The following CARMIL1 variants were observed in gnomAD, a reference collection of about 807,000 sequenced individuals.
CARMIL1 encodes the protein F-actin-uncapping protein LRRC16A.
A neutral mutation model predicts 177.1 loss-of-function variants in CARMIL1; 90 were observed. The observed-to-expected ratio is 0.51, with a 90% CI of 0.43 to 0.61. The LOEUF is 0.61. Among genes scored for constraint, CARMIL1 ranks in the 20% least tolerant of loss-of-function variants. The pLI is 0.00. For missense variants in CARMIL1, 1,380 were observed against 1,667.0 expected (o/e 0.83, Z 3.00); for synonymous variants, 577 against 606.2 (o/e 0.95, Z 0.71).
At chr6:25,291,684 T>A (rs1417018829) in intron 2 of CARMIL1, among the ~76,000 whole-genome samples, 1 of 152,156 alleles carries the variant, frequency 6.6e-6, no homozygotes, top group African/African-American at 2.4e-5. Flanking sequence ...TGTAGTAATG[T>A]TTTGGGATTG....
intron 2 of CARMIL1, among the ~76,000 whole-genome samples, chr6:25,404,371 CT>C (rs1263412008): frequency 6.6e-6 from 1 of 152,174 alleles, no homozygotes; most frequent in African/African-American, 2.4e-5. Context: ...AGCAGGGCTG[CT>C]TTGGGTATAT....
At position 25,515,946 on chromosome 6, in the gene CARMIL1, C is replaced by T. The variant is rs1805947398; in HGVS notation, c.1805+99C>T. On this transcript the variant is annotated intron_variant, in intron 21 of 36. Coordinates refer to ENST00000329474, the MANE Select transcript of CARMIL1 (RefSeq NM_017640.6). This position sits in a 1 kb window ranked among gnomAD's most constrained non-coding sequence, Gnocchi z 5.0. ...GCTGGGCCCGAGGGGACCTGGGCTT[C>T]CCATGAGGCCATCTTGAGGAGAAGA... 2 of 1,177,162 alleles carry T rather than the reference C, an allele frequency of 1.7e-6. No homozygotes were observed. The highest frequency in any genetic ancestry group is 2.3e-6 in the Non-Finnish European group (2 of 854,882). 72.9% of individuals were successfully genotyped at this position (1,177,162 alleles called of 1,614,324 possible).
intron 2 of CARMIL1, among the ~76,000 whole-genome samples, chr6:25,360,951 C>A (rs1789134462): frequency 6.6e-6 from 1 of 152,142 alleles, no homozygotes; most frequent in South Asian, 2.1e-4. Flanking sequence ...GAGGTTTTAT[C>A]TGAAACCCAT....
chr6:25,502,002 A>AC (rs1185774425), intron 17 of CARMIL1, among the ~76,000 whole-genome samples: 1 of 151,150 alleles, frequency 6.6e-6, no homozygotes, highest in Non-Finnish European at 1.5e-5. Context: ...TAAAAAAAAA[A>AC]AAAAAAAAAA....
At chr6:25,521,176 T>G (rs1292051702) in intron 23 of CARMIL1, among the ~76,000 whole-genome samples, 1 of 152,062 alleles carries the variant, frequency 6.6e-6, no homozygotes, top group African/African-American at 2.4e-5. Flanking sequence ...AATGTGCTCC[T>G]CTCTTCAAAG....
intron 2 of CARMIL1, among the ~76,000 whole-genome samples, chr6:25,414,346 G>A (rs1018349863): frequency 2.0e-5 from 3 of 152,162 alleles, no homozygotes; most frequent in Non-Finnish European, 2.9e-5. Context: ...AACTAGAAAC[G>A]TCTTATACAA....
intron 2 of CARMIL1, among the ~76,000 whole-genome samples, chr6:25,331,334 C>T (rs1785608216): frequency 6.6e-6 from 1 of 152,178 alleles, no homozygotes; most frequent in Non-Finnish European, 1.5e-5. Flanking sequence ...TGAGGCACTG[C>T]CTCCATGATA....
At chr6:25,396,324 C>T (rs1793382931) in intron 2 of CARMIL1, among the ~76,000 whole-genome samples, 1 of 151,680 alleles carries the variant, frequency 6.6e-6, no homozygotes, top group Non-Finnish European at 1.5e-5. Context: ...GCAAAACCAT[C>T]CTGGGAAAAT....
At chr6:25,455,339 C>T (rs1799400362) in intron 8 of CARMIL1, among the ~76,000 whole-genome samples, 2 of 152,156 alleles carry the variant, frequency 1.3e-5, no homozygotes, top group Admixed American at 1.3e-4. Context: ...ATTTAGTCTT[C>T]ATACTTAGAA....
At chr6:25,361,766 C>A (rs1789219891) in intron 2 of CARMIL1, among the ~76,000 whole-genome samples, 2 of 151,948 alleles carry the variant, frequency 1.3e-5, no homozygotes, top group South Asian at 4.1e-4. Context: ...AGGGGGGTTC[C>A]CATTGATGTT....
rs373810098 is a variant in CARMIL1, at chr6:25,289,789, G to A, written c.138+4880G>A. 3.6e-3 allele frequency among the ~76,000 whole-genome samples: 553 copies of A among 152,302 alleles called. 2 individuals carry two copies. The highest frequency in any genetic ancestry group is 0.026 in the South Asian group (126 of 4,820). ...CAATTTAGCTAAGGAGTACTTCATGGTATGGATGTACCACGTTTGGTTTAG... is the reference window on the plus strand; with the variant it reads ...CAATTTAGCTAAGGAGTACTTCATGATATGGATGTACCACGTTTGGTTTAG... On this transcript the variant is annotated intron_variant, in intron 2 of 36. Coordinates refer to ENST00000329474, the MANE Select transcript of CARMIL1 (RefSeq NM_017640.6).
chr6:25,287,711 C>G (rs1358964202), intron 2 of CARMIL1, among the ~76,000 whole-genome samples: 1 of 152,222 alleles, frequency 6.6e-6, no homozygotes, highest in Non-Finnish European at 1.5e-5. Flanking sequence ...TAAATTGCTT[C>G]ACATCATTTG....
intron 23 of CARMIL1, among the ~76,000 whole-genome samples, chr6:25,525,844 A>G (rs183184339): frequency 6.6e-6 from 1 of 152,342 alleles, no homozygotes; most frequent in East Asian, 1.9e-4. Context: ...AAGAAGAGAA[A>G]TGTAACCATA....
intron 15 of CARMIL1, 71 bp downstream of exon 15, chr6:25,492,095 A>C (rs1037590885): frequency 1.4e-5 from 18 of 1,301,350 alleles, no homozygotes; most frequent in Non-Finnish European, 1.8e-5. Flanking sequence ...AGTGATAAGG[A>C]AAACAGTGAT....
At chr6:25,432,682 G>T (rs1323403962) in intron 4 of CARMIL1, among the ~76,000 whole-genome samples, 1 of 152,084 alleles carries the variant, frequency 6.6e-6, no homozygotes, top group Non-Finnish European at 1.5e-5. Context: ...TGTTTGCTAT[G>T]TCACAGAATG....
At chr6:25,437,656 A>C (rs972770037) in intron 5 of CARMIL1, among the ~76,000 whole-genome samples, 1 of 151,846 alleles carries the variant, frequency 6.6e-6, no homozygotes, top group East Asian at 1.9e-4. Context: ...CCCACACTGG[A>C]CTCCTCACTT....
chr6:25,465,971 AATGTTGCTTGGCTT>A, intron 9 of CARMIL1, 23 bp downstream of exon 9: 1 of 1,555,596 alleles, frequency 6.4e-7, no homozygotes, highest in East Asian at 2.2e-5. Flanking sequence ...ACATGCAGCA[AATGTTGCTTGGCTT>A]TGCTGAATTT....
At chr6:25,570,675 G>A (rs946901158) in intron 29 of CARMIL1, among the ~76,000 whole-genome samples, 4 of 152,246 alleles carry the variant, frequency 2.6e-5, no homozygotes, top group East Asian at 1.9e-4. Context: ...CATCAGTGCC[G>A]TTCCCTAAGT....
intron 2 of CARMIL1, among the ~76,000 whole-genome samples, chr6:25,366,597 A>T (rs1333160735): frequency 6.6e-6 from 1 of 150,916 alleles, no homozygotes; most frequent in African/African-American, 2.4e-5. Flanking sequence ...TATTTTGCTC[A>T]CTGCTGTATA....
Sources: gnomAD v4.1 joint callset for allele counts (sites outside exome capture counted in the v4.1 genomes callset) on GRCh38, gnomAD v4.1.1 for gene constraint, Gnocchi (gnomAD v3.1) non-coding constraint, MANE v1.5 for transcripts, NCBI Gene and HGNC (gene_info 2026-07-23, HGNC 2026-07-21) for gene names.